The following RIN3 variants were observed in gnomAD, a reference collection of about 807,000 sequenced individuals.
RIN3 encodes the protein RAB5 interacting protein 3.
Under a neutral mutation model 76.3 loss-of-function variants are expected in RIN3, and 54 were observed. That is an observed-to-expected ratio of 0.71 (90% CI 0.57 to 0.89). The LOEUF is 0.89. Ranked by LOEUF, RIN3 falls within the 40% of genes least tolerant of loss-of-function variation. RIN3 has a pLI of 0.00. For synonymous variants in RIN3, 576 were observed against 564.0 expected, an observed-to-expected ratio of 1.02 and a Z score of -0.30; for missense variants, 1,256 against 1,322.1, an observed-to-expected ratio of 0.95 and a Z score of 0.78.
At position 92,659,312 on chromosome 14, in the gene RIN3, C is replaced by T. The variant is rs368404696; in HGVS notation, c.2178C>T (p.Asp726=). The T allele has an allele frequency of 6.2e-7, 1 of 1,613,260 alleles. No individual in the cohort carries two copies. The highest frequency in any genetic ancestry group is 8.5e-7 in the Non-Finnish European group (1 of 1,179,482). ...TGATCCTGGCCACCACCACCACTGA[C>T]CTAGGTGTGACCACCAGCGTGCCGG... ...QLVILATTTT[D]LGVTTSVPEV... Residue 726 remains aspartate (D), a synonymous_variant, in exon 7 of 10, where the codon GAC becomes GAT. Transcript: ENST00000216487.
At chr14:92,610,986 T>C (rs189973228) in intron 3 of RIN3, among the ~76,000 whole-genome samples, 62 of 152,330 alleles carry the variant, frequency 4.1e-4, no homozygotes, top group Admixed American at 3.5e-3. Flanking sequence ...CAGTGATGTT[T>C]ATGAGGTGGT....
In RIN3 at chr14:92,648,218, A is replaced by G. The variant is rs1887273901; in HGVS notation, c.533-3364A>G. On this transcript the variant is annotated intron_variant, in intron 5 of 9. Coordinates refer to ENST00000216487, the MANE Select transcript of RIN3 (RefSeq NM_024832.5). This position sits in a 1 kb window ranked among gnomAD's most constrained non-coding sequence, Gnocchi z 4.1. ...ACTCCTTGGAGTCACATTGGCTTTG[A>G]GAACTTTGCCCTGCCAGGGTTTGCC... 6.6e-6 allele frequency among the ~76,000 whole-genome samples: 1 copy of G among 151,114 alleles called. No homozygotes were observed. The highest frequency in any genetic ancestry group is 2.4e-5 in the African/African-American group (1 of 41,114).
intron 1 of RIN3, among the ~76,000 whole-genome samples, chr14:92,518,561 T>A (rs1030849405): frequency 3.3e-5 from 5 of 152,082 alleles, no homozygotes; most frequent in Non-Finnish European, 7.4e-5. Context: ...GGCAATTGAG[T>A]AGGGACCCTG....
chr14:92,597,450 G>A (rs1885190230), intron 3 of RIN3, among the ~76,000 whole-genome samples: 2 of 152,158 alleles, frequency 1.3e-5, no homozygotes, highest in Non-Finnish European at 2.9e-5. Context: ...TTTTCTTTGA[G>A]GAACGCCAGT....
Position 92,641,260 on chromosome 14 carries a change from C to A in RIN3, c.463C>A (p.Arg155=). Residue 155 remains arginine (R), a synonymous_variant, in exon 5 of 10, where the codon CGG becomes AGG. Coordinates refer to ENST00000216487, the MANE Select transcript of RIN3 (RefSeq NM_024832.5). ...VSRDLLPFTL[R]LPQAILEASS... ...CAGAGACTTACTGCCCTTCACACTG[C>A]GGCTACCCCAGGCCATCCTTGAGGC... is the stretch of plus-strand genomic sequence containing the variant. 1 of 1,613,982 alleles carries A rather than the reference C, an allele frequency of 6.2e-7. No homozygotes were observed. The highest frequency in any genetic ancestry group is 8.5e-7 in the Non-Finnish European group (1 of 1,179,840).
chr14:92,614,799 TTATA>T (rs144127255), intron 3 of RIN3, among the ~76,000 whole-genome samples: 1 of 103,400 alleles, frequency 9.7e-6, no homozygotes, highest in Non-Finnish European at 1.9e-5. Flanking sequence ...TTAAACCTCT[TTATA>T]TATATATATA....
chr14:92,657,144 A>G (rs573868133), intron 6 of RIN3, among the ~76,000 whole-genome samples: 48 of 152,312 alleles, frequency 3.2e-4, no homozygotes, highest in African/African-American at 1.1e-3. Flanking sequence ...AGATCACTTG[A>G]GATCAGGAGT....
At chr14:92,566,592 G>A (rs1897921745) in intron 2 of RIN3, among the ~76,000 whole-genome samples, 1 of 152,176 alleles carries the variant, frequency 6.6e-6, no homozygotes, top group African/African-American at 2.4e-5. Context: ...GGGTCTGTTA[G>A]CAAGGAGGGG....
At chr14:92,658,223 G>T (rs1045201786) in intron 6 of RIN3, among the ~76,000 whole-genome samples, 1 of 152,232 alleles carries the variant, frequency 6.6e-6, no homozygotes, top group Non-Finnish European at 1.5e-5. Context: ...GCCAACTCCT[G>T]CTCCAAGAGC....
At chr14:92,675,287 T>C (rs111831097) in intron 7 of RIN3, among the ~76,000 whole-genome samples, 197 of 152,356 alleles carry the variant, frequency 1.3e-3, no homozygotes, top group African/African-American at 4.3e-3. Flanking sequence ...ATATTGGTAC[T>C]GATGGTTTTC....
chr14:92,527,566 G>A (rs967280734), intron 1 of RIN3, among the ~76,000 whole-genome samples: 18 of 152,088 alleles, frequency 1.2e-4, no homozygotes, highest in Admixed American at 6.6e-5. Context: ...TTTAGTGTAC[G>A]TTTCTGCACG....
intron 1 of RIN3, among the ~76,000 whole-genome samples, chr14:92,542,346 A>T (rs1010936488): frequency 4.3e-4 from 66 of 152,210 alleles, no homozygotes; most frequent in Non-Finnish European, 1.0e-4. Flanking sequence ...GTAGAACTGC[A>T]AATCAAAACC....
chr14:92,659,090 T>C lies in RIN3; in HGVS notation c.2027-71T>C, dbSNP rs1004667216. 3.4e-5 allele frequency: 50 copies of C among 1,467,968 alleles called. No individual in the cohort carries two copies. The Middle Eastern group carries it at 6.9e-4, about 20-fold the overall frequency. 90.9% of individuals were successfully genotyped at this position (1,467,968 alleles called of 1,614,324 possible). On this transcript the variant is annotated intron_variant, in intron 6 of 9. Transcript: ENST00000216487. ...CAGGGGATGGGGATGGCTGTGCTGT[T>C]GGGCAACAGAACCAGGTGGCAGGAT... is the stretch of plus-strand genomic sequence containing the variant.
At chr14:92,599,635 T>C (rs1458890230) in intron 3 of RIN3, among the ~76,000 whole-genome samples, 1 of 152,070 alleles carries the variant, frequency 6.6e-6, no homozygotes, top group Admixed American at 6.6e-5. Flanking sequence ...AAAGATCAAA[T>C]GGACCCCTGG....
intron 7 of RIN3, among the ~76,000 whole-genome samples, chr14:92,669,166 C>T (rs956926304): frequency 5.3e-5 from 8 of 152,170 alleles, no homozygotes; most frequent in Non-Finnish European, 1.0e-4. Context: ...GACCAGGTAC[C>T]GCTGAGATGT....
At chr14:92,537,217 T>C (rs1175329196) in intron 1 of RIN3, among the ~76,000 whole-genome samples, 1 of 152,250 alleles carries the variant, frequency 6.6e-6, no homozygotes, top group African/African-American at 2.4e-5. Flanking sequence ...TAATATCTCC[T>C]TAACCACTTA....
At chr14:92,664,764 T>C (rs1015824299) in intron 7 of RIN3, among the ~76,000 whole-genome samples, 1 of 152,198 alleles carries the variant, frequency 6.6e-6, no homozygotes, top group Non-Finnish European at 1.5e-5. Context: ...CCCCAAACGC[T>C]TTCCTAGGTA....
At chr14:92,635,668 A>G (rs1886746617) in intron 4 of RIN3, among the ~76,000 whole-genome samples, 1 of 152,084 alleles carries the variant, frequency 6.6e-6, no homozygotes, top group Admixed American at 6.5e-5. Flanking sequence ...CCTGGCCAAC[A>G]TAGAGAAAGC....
chr14:92,533,534 G>A (rs1346160048), intron 1 of RIN3, among the ~76,000 whole-genome samples: 3 of 152,170 alleles, frequency 2.0e-5, no homozygotes, highest in Non-Finnish European at 4.4e-5. Context: ...ATACTACTCA[G>A]CAATAAAAAG....
Sources: gnomAD v4.1 joint callset for allele counts (sites outside exome capture counted in the v4.1 genomes callset) on GRCh38, gnomAD v4.1.1 for gene constraint, Gnocchi (gnomAD v3.1) non-coding constraint, MANE v1.5 for transcripts, NCBI Gene and HGNC (gene_info 2026-07-23, HGNC 2026-07-21) for gene names.